MSL1: variants seen among roughly 807,000 people sequenced by gnomAD.
The protein encoded by MSL1 is MSL complex subunit 1.
A neutral mutation model predicts 64.6 loss-of-function variants in MSL1; 21 were observed. The ratio of observed to expected loss-of-function variants is 0.33; its 90% CI spans 0.23 to 0.47. The LOEUF is 0.47. MSL1 is among the 20% of genes least tolerant of loss of function. The pLI, the probability that MSL1 is intolerant of heterozygous loss-of-function variation, is 1.00. For synonymous variants in MSL1, 339 were observed against 329.6 expected, an observed-to-expected ratio of 1.03 and a Z score of -0.31; for missense variants, 664 against 793.2, an observed-to-expected ratio of 0.84 and a Z score of 1.96.
intron 2 of MSL1, among the ~76,000 whole-genome samples, chr17:40,127,077 C>G (rs1243415139): frequency 6.6e-6 from 1 of 152,040 alleles, no homozygotes; most frequent in Non-Finnish European, 1.5e-5. Flanking sequence ...TGGCTCATGC[C>G]TGTAATCCCT....
chr17:40,132,143 TA>T, intron 5 of MSL1, 45 bp downstream of exon 5: 3 of 1,374,902 alleles, frequency 2.2e-6, no homozygotes, highest in Non-Finnish European at 3.1e-6. Flanking sequence ...AGAGATTAAA[TA>T]GAATGTGAGG....
intron 1 of MSL1, 100 bp downstream of exon 1, chr17:40,123,480 T>C: frequency 8.3e-7 from 1 of 1,203,126 alleles, no homozygotes; most frequent in Non-Finnish European, 1.2e-6. Flanking sequence ...GGGTTAGGGG[T>C]AAAGGAGGTT....
At chr17:40,133,209 T>C in intron 6 of MSL1, 100 bp downstream of exon 6, 2 of 1,114,802 alleles carry the variant, frequency 1.8e-6, no homozygotes, top group Non-Finnish European at 2.6e-6. Flanking sequence ...TGGAGAATCT[T>C]GGAGTGCTTA....
At chr17:40,126,079 C>A in intron 1 of MSL1, 104 bp from the exon 2 acceptor site, 1 of 960,650 alleles carries the variant, frequency 1.0e-6, no homozygotes, top group Non-Finnish European at 1.6e-6. Context: ...TGATGTGGTC[C>A]ATAGAAAGAG....
Position 40,134,520 on chromosome 17 carries a change from G to T in MSL1, c.*151G>T. 1.5e-6 allele frequency: 1 copy of T among 645,506 alleles called. No individual in the cohort carries two copies. The highest frequency in any genetic ancestry group is 2.7e-6 in the Non-Finnish European group (1 of 374,794). 40.0% of individuals were successfully genotyped at this position (645,506 alleles called of 1,614,324 possible). Reference sequence around the variant, plus strand: ...TCCTTGACTTTGTTTTCATTACTCTGATTTCACAAAAACTCTTTCATTCGG... The same window carrying T: ...TCCTTGACTTTGTTTTCATTACTCTTATTTCACAAAAACTCTTTCATTCGG... On this transcript the variant is annotated 3_prime_UTR_variant, in exon 9 of 9. Coordinates refer to ENST00000398532, the MANE Select transcript of MSL1 (RefSeq NM_001365919.1).
chr17:40,126,155 G>C (rs1431593687), intron 1 of MSL1, 28 bp from the exon 2 acceptor site: 4 of 1,602,558 alleles, frequency 2.5e-6, no homozygotes, highest in Non-Finnish European at 3.4e-6. Context: ...TATGTGTTAA[G>C]TCTGCATTTT....
At position 40,122,895 on chromosome 17, in the gene MSL1, A is replaced by C; in HGVS notation, c.283A>C (p.Ser95Arg). 6.8e-7 allele frequency: 1 copy of C among 1,469,866 alleles called. No homozygotes were observed. The highest frequency in any genetic ancestry group is 8.9e-7 in the Non-Finnish European group (1 of 1,118,606). 91.1% of individuals were successfully genotyped at this position (1,469,866 alleles called of 1,614,324 possible). Residue 95 changes from serine to arginine, a missense_variant, in exon 1 of 9, where the codon AGC (serine) becomes CGC (arginine). Physicochemically the swap from Ser to Arg is moderately radical, Grantham distance 110. Around this residue, in one of 4 missense-constraint regions of MSL1, gnomAD observed 466 missense variants for 499.0 expected, o/e 0.93. Transcript: ENST00000398532. This position sits in a 1 kb window ranked among gnomAD's most constrained non-coding sequence, Gnocchi z 4.2. ...GGCGGCCCCCGGGCAGCAGGAAGAG[A>C]GCTGGGGCGGTTCGGTGCCCTTGCC... Reference protein sequence around the residue: ...AGAAPGQQEESWGGSVPLPCP... With the variant: ...AGAAPGQQEERWGGSVPLPCP...
rs913475635 is a variant in MSL1, at chr17:40,126,296, A to T, written c.882A>T (p.Thr294=). 4.3e-6 allele frequency: 7 copies of T among 1,613,774 alleles called. No individual in the cohort carries two copies. The highest frequency in any genetic ancestry group is 1.6e-4 in the Middle Eastern group (1 of 6,082). Residue 294 remains threonine, a synonymous_variant, in exon 2 of 9, where the codon ACA becomes ACT. Transcript: ENST00000398532. ...QGYETEEREE[T]ELSEKIKLEC... is the part of the protein sequence containing the mutation. ...ATGAAACTGAAGAGAGAGAGGAAACAGAGCTATCTGAGAAAATTAAACTGG... is the reference window on the plus strand; with the variant it reads ...ATGAAACTGAAGAGAGAGAGGAAACTGAGCTATCTGAGAAAATTAAACTGG...
Position 40,122,870 on chromosome 17 carries a change from G to A in MSL1, c.258G>A (p.Gly86=), listed in dbSNP as rs1988217200. The change falls in exon 1 of 9, where the codon GGG becomes GGA. Residue 86 remains glycine, a synonymous_variant. Coordinates refer to ENST00000398532, the MANE Select transcript of MSL1 (RefSeq NM_001365919.1). This position sits in a 1 kb window ranked among gnomAD's most constrained non-coding sequence, Gnocchi z 4.2. Reference sequence around the variant, plus strand: ...GCCGGGGCTTGTTACTCCCGGCCGGGGCGGCCCCCGGGCAGCAGGAAGAGA... The same window carrying A: ...GCCGGGGCTTGTTACTCCCGGCCGGAGCGGCCCCCGGGCAGCAGGAAGAGA... ...GKGRGLLLPA[G]AAPGQQEESW... The A allele has an allele frequency of 7.2e-7, 1 of 1,396,256 alleles. No individual in the cohort carries two copies. The allele number at this position is 1,396,256 out of a possible 1,614,324, so 86.5% of individuals were successfully genotyped here.
intron 5 of MSL1, among the ~76,000 whole-genome samples, 152 bp from the exon 6 acceptor site, chr17:40,132,890 A>G (rs1053045066): frequency 6.6e-6 from 1 of 152,188 alleles, no homozygotes. Context: ...TTCTGTTACC[A>G]GGAGGTTCCC....
chr17:40,124,363 C>G (rs1043119922), intron 1 of MSL1, among the ~76,000 whole-genome samples: 1 of 151,768 alleles, frequency 6.6e-6, no homozygotes, highest in Non-Finnish European at 1.5e-5. Context: ...CTGTCTCTTT[C>G]CCTTTCTCTC....
rs1988398346 is a variant in MSL1 at position 40,129,551 on chromosome 17, G to C, written c.1299G>C (p.Leu433Phe). 2.5e-6 allele frequency: 4 copies of C among 1,613,836 alleles called. No homozygotes were observed. The highest frequency in any genetic ancestry group is 3.4e-6 in the Non-Finnish European group (4 of 1,179,836). The stretch of plus-strand genomic sequence containing the variant: ...ACCTTTCCACCACAGAAATGTATTT[G>C]TGTCGTTGGCACCAGCCTCCCCCAT... ...LPYLSTTEMY[L>F]CRWHQPPPSP... Residue 433 changes from leucine to phenylalanine, a missense_variant, in exon 3 of 9, where the codon TTG (leucine) becomes TTC (phenylalanine). Physicochemically the swap from Leu to Phe is conservative, Grantham distance 22 (BLOSUM62 0). Coordinates refer to ENST00000398532, the MANE Select transcript of MSL1 (RefSeq NM_001365919.1).
rs750689369 is a variant in MSL1 at position 40,131,489 on chromosome 17, T to C, written c.1376-48T>C. The C allele has an allele frequency of 3.2e-6, 5 of 1,573,568 alleles. No homozygotes were observed. In the East Asian group the frequency reaches 9.0e-5, roughly 28 times the overall value. On this transcript the variant is annotated intron_variant, in intron 3 of 8. Transcript: ENST00000398532. This position sits in a 1 kb window ranked among gnomAD's most constrained non-coding sequence, Gnocchi z 4.5. ...CCTTTCCTCCATTTGGGGTATGGGC[T>C]TTTTTTCTTTTTACACTGAGATTAT...
Position 40,134,627 on chromosome 17 carries a change from G to A in MSL1, c.*258G>A. On this transcript the variant is annotated 3_prime_UTR_variant, in exon 9 of 9. Transcript: ENST00000398532. Reference sequence around the variant, plus strand: ...GCTCTCAAGCTAAAGCTATAGGATGGCAGATTCAGAAGTTTCAGGGGTCTG... The same window carrying A: ...GCTCTCAAGCTAAAGCTATAGGATGACAGATTCAGAAGTTTCAGGGGTCTG... 2.2e-6 allele frequency: 1 copy of A among 458,314 alleles called. No individual in the cohort carries two copies. The highest frequency in any genetic ancestry group is 4.0e-6 in the Non-Finnish European group (1 of 251,404). 28.4% of individuals were successfully genotyped at this position (458,314 alleles called of 1,614,324 possible). A position where few individuals can be genotyped will look rare whatever the true frequency, so the allele number is the denominator to read the frequency against.
intron 8 of MSL1, 63 bp from the exon 9 acceptor site, chr17:40,134,216 T>C (rs1345053619): frequency 2.1e-6 from 3 of 1,407,962 alleles, no homozygotes; most frequent in Non-Finnish European, 2.9e-6. Context: ...TTGTAGTTGC[T>C]ATCATGTCCA....
chr17:40,123,530 G>A (rs1021590362), intron 1 of MSL1, 150 bp downstream of exon 1: 4 of 703,988 alleles, frequency 5.7e-6, no homozygotes, highest in African/African-American at 1.8e-5. Context: ...TGGGTCTCTG[G>A]GAGCCAGGCT....
rs1397079284 is a variant in MSL1, at chr17:40,129,382, G to A, written c.1130G>A (p.Cys377Tyr). The A allele has an allele frequency of 1.2e-6, 2 of 1,613,752 alleles. No homozygotes were observed. Among genetic ancestry groups the A allele is most frequent in the Non-Finnish European group, 1.7e-6 (2 of 1,179,836 alleles). Residue 377 changes from cysteine to tyrosine, a missense_variant, in exon 3 of 9, where the codon TGT becomes TAT. Coordinates refer to ENST00000398532, the MANE Select transcript of MSL1 (RefSeq NM_001365919.1). ...EPCGSLSETV[C>Y]KRELRSQETP... The stretch of plus-strand genomic sequence containing the variant: ...TGTGGTTCCTTATCTGAAACTGTTT[G>A]TAAACGTGAATTGAGGAGCCAAGAA...
In MSL1 at chr17:40,122,848, G is replaced by C; in HGVS notation, c.236G>C (p.Arg79Pro). 2 of 1,385,590 alleles carry C rather than the reference G, an allele frequency of 1.4e-6. No homozygotes were observed. The allele number at this position is 1,385,590 out of a possible 1,614,324, so 85.8% of individuals were successfully genotyped here. A position where few individuals can be genotyped will look rare whatever the true frequency, so the allele number is the denominator to read the frequency against. ...CCGGCCGGCTGCGGCGGCAAGGGCC[G>C]GGGCTTGTTACTCCCGGCCGGGGCG... is the stretch of plus-strand genomic sequence containing the variant. ...PSPAGCGGKG[R>P]GLLLPAGAAP... The change falls in exon 1 of 9, where the codon CGG (arginine) becomes CCG (proline). Residue 79 changes from arginine (R) to proline (P), a missense_variant. This residue lies in a region of MSL1 where 466 missense variants were observed against 499.0 expected (regional missense o/e 0.93). Transcript: ENST00000398532. This position sits in a 1 kb window ranked among gnomAD's most constrained non-coding sequence, Gnocchi z 4.2.
intron 2 of MSL1, chr17:40,126,920 G>T (rs1988330895): frequency 6.5e-6 from 1 of 154,538 alleles, no homozygotes; most frequent in Non-Finnish European, 1.4e-5. Context: ...ATTGAATGCA[G>T]CTTACATCAT....
Sources: gnomAD v4.1 joint callset for allele counts (sites outside exome capture counted in the v4.1 genomes callset) on GRCh38, gnomAD v4.1.1 for gene constraint, gnomAD v4.1.1 regional missense constraint, Gnocchi (gnomAD v3.1) non-coding constraint, MANE v1.5 for transcripts, NCBI Gene and HGNC (gene_info 2026-07-23, HGNC 2026-07-21) for gene names.